MAPT: variants seen among roughly 807,000 people sequenced by gnomAD.
The protein encoded by MAPT is microtubule associated protein tau.
MAPT carries 34 observed loss-of-function variants against 67.9 expected under a neutral mutation model. That is an observed-to-expected ratio of 0.50 (90% confidence interval 0.38 to 0.67). The LOEUF is 0.67. Ranked by LOEUF, MAPT falls within the 30% of genes least tolerant of loss-of-function variation. The pLI is 0.00. For missense variants in MAPT, 881 were observed against 1,115.2 expected, an observed-to-expected ratio of 0.79 and a Z score of 2.99; for synonymous variants, 456 against 464.5, an observed-to-expected ratio of 0.98 and a Z score of 0.23.
intron 1 of MAPT, among the ~76,000 whole-genome samples, chr17:45,949,373 G>A (rs242562): frequency 0.36 from 54,260 of 152,120 alleles, 9,969 homozygotes; most frequent in East Asian, 0.55. Context: ...GCCCGACTCG[G>A]GCTTCCCCTG....
chr17:45,940,936 A>C (rs903159743), intron 1 of MAPT, among the ~76,000 whole-genome samples: 1 of 152,226 alleles, frequency 6.6e-6, no homozygotes, highest in African/African-American at 2.4e-5. Context: ...ATAGGAAGCC[A>C]TCTTGGTGCT....
chr17:45,956,585 TA>T (rs1568230913), intron 1 of MAPT, among the ~76,000 whole-genome samples: 209 of 7,772 alleles, frequency 0.027, 6 homozygotes, highest in African/African-American at 0.037. Context: ...TATATATATA[TA>T]TATATATATA....
chr17:45,973,263 G>T (rs1389192003), intron 3 of MAPT: 1 of 152,210 alleles, frequency 6.6e-6, no homozygotes, highest in African/African-American at 2.4e-5. Context: ...AGAATATCCA[G>T]ATCAGATTCT....
Position 46,010,616 on chromosome 17 carries a change from G to C in MAPT, c.2091+214G>C, listed in dbSNP as rs1364384144. ...CCCCTTCCTCATATTCTAGGAGGGG[G>C]TGTCCCAGCATTTCTGGGTCCCCCA... On this transcript the variant is annotated intron_variant, in intron 10 of 12. Transcript: ENST00000262410. This position sits in a 1 kb window ranked among gnomAD's most constrained non-coding sequence, Gnocchi z 4.7. Among the ~76,000 whole-genome samples, 1 of 152,182 alleles carries C rather than the reference G, an allele frequency of 6.6e-6. No individual in the cohort carries two copies. Among genetic ancestry groups the C allele is most frequent in the South Asian group, 2.1e-4 (1 of 4,818 alleles).
In MAPT at chr17:45,915,472, G is replaced by A. The variant is rs372439398; in HGVS notation, c.-18+20786G>A. Reference sequence around the variant, plus strand: ...TGTGAGTGTGTATGTTTGAGCATGTGTGGTGTGTTGTGATATGTGTGTGGT... The same window carrying A: ...TGTGAGTGTGTATGTTTGAGCATGTATGGTGTGTTGTGATATGTGTGTGGT... On this transcript the variant is annotated intron_variant, in intron 1 of 12. Transcript: ENST00000262410. This position sits in a 1 kb window ranked among gnomAD's most constrained non-coding sequence, Gnocchi z 4.4. Among the ~76,000 whole-genome samples, 1,157 of 146,674 alleles carry A rather than the reference G, an allele frequency of 7.9e-3. 6 individuals are homozygous for A. The highest frequency in any genetic ancestry group is 0.03 in the South Asian group (138 of 4,650).
intron 1 of MAPT, among the ~76,000 whole-genome samples, chr17:45,905,006 A>G (rs1290830939): frequency 1.3e-5 from 2 of 152,120 alleles, no homozygotes; most frequent in Non-Finnish European, 2.9e-5. Flanking sequence ...GCCATTTGGA[A>G]GAGTCATCAG....
intron 8 of MAPT, among the ~76,000 whole-genome samples, chr17:45,994,723 C>T (rs1342420947): frequency 2.0e-5 from 3 of 152,052 alleles, no homozygotes; most frequent in African/African-American, 4.8e-5. Context: ...TGGCTGGGTG[C>T]GGTGGCTCAT....
At chr17:45,903,755 A>T (rs1249756333) in intron 1 of MAPT, among the ~76,000 whole-genome samples, 13 of 79,604 alleles carry the variant, frequency 1.6e-4, no homozygotes, top group East Asian at 1.5e-3. Flanking sequence ...TTTTATATAT[A>T]TTTTTTTTAT....
intron 8 of MAPT, among the ~76,000 whole-genome samples, chr17:45,992,358 G>A (rs2074126781): frequency 6.6e-6 from 1 of 152,182 alleles, no homozygotes; most frequent in Non-Finnish European, 1.5e-5. Context: ...GGAGACAAAT[G>A]TCTCTGGAGA....
At chr17:45,994,109 G>A (rs1568299678) in intron 8 of MAPT, 6 of 790,314 alleles carry the variant, frequency 7.6e-6, no homozygotes, top group Non-Finnish European at 1.2e-5. Flanking sequence ...GCCTGAAGAT[G>A]GAGCAGTCCG....
At chr17:45,974,463 G>A in intron 3 of MAPT, 2 of 1,604,426 alleles carry the variant, frequency 1.2e-6, no homozygotes, top group African/African-American at 1.3e-5. Flanking sequence ...ATCCCAGAAG[G>A]AACCACAGGT....
intron 1 of MAPT, among the ~76,000 whole-genome samples, chr17:45,946,403 A>T (rs2068480461): frequency 6.6e-6 from 1 of 151,822 alleles, no homozygotes; most frequent in Non-Finnish European, 1.5e-5. Flanking sequence ...GGAGTTCGAG[A>T]TCAACCTGGC....
intron 11 of MAPT, among the ~76,000 whole-genome samples, chr17:46,015,843 C>G (rs1364463214): frequency 6.6e-6 from 1 of 152,100 alleles, no homozygotes; most frequent in African/African-American, 2.4e-5. Flanking sequence ...ATATATACAC[C>G]TAACTATGTA....
chr17:45,983,906 G>T lies in MAPT; in HGVS notation c.1327G>T (p.Val443Phe), dbSNP rs774040384. The T allele has an allele frequency of 2.0e-5, 32 of 1,577,992 alleles. No individual in the cohort carries two copies. The highest frequency in any genetic ancestry group is 2.7e-5 in the Non-Finnish European group (31 of 1,165,872). The change falls in exon 5 of 13, where the codon GTC (valine) becomes TTC (phenylalanine). Residue 443 changes from valine (V) to phenylalanine (F), a missense_variant. Transcript: ENST00000262410. ...TGCTGCTGCTCCGCGGGGGAAGCCC[G>T]TCAGCCGGGTCCCTCAACTCAAAGG... ...QPAAAPRGKP[V>F]SRVPQLKARM...
intron 1 of MAPT, among the ~76,000 whole-genome samples, chr17:45,959,695 C>A (rs918670134): frequency 1.3e-5 from 2 of 151,856 alleles, no homozygotes; most frequent in African/African-American, 4.8e-5. Flanking sequence ...GCAGGAGAAT[C>A]GCTTGAAGCA....
chr17:46,017,766 G>A (rs887660510), intron 11 of MAPT, among the ~76,000 whole-genome samples: 8 of 150,122 alleles, frequency 5.3e-5, no homozygotes, highest in Middle Eastern at 3.4e-3. Flanking sequence ...GCCTGAAAGG[G>A]TTCTTATTTA....
At position 45,995,356 on chromosome 17, in the gene MAPT, T is replaced by G. The variant is rs2074385837; in HGVS notation, c.1733-1043T>G. On this transcript the variant is annotated intron_variant, in intron 8 of 12. Coordinates refer to ENST00000262410, the MANE Select transcript of MAPT (RefSeq NM_001377265.1). The surrounding 1 kb of genome is among the most constrained non-coding windows in gnomAD (Gnocchi z 4.3). Reference sequence around the variant, plus strand: ...CTTGAGAAAAATGAGGCTTTGCAGGTCCCACCCCTAGAGATTCTGCTCTAT... The same window carrying G: ...CTTGAGAAAAATGAGGCTTTGCAGGGCCCACCCCTAGAGATTCTGCTCTAT... 6.6e-6 allele frequency among the ~76,000 whole-genome samples: 1 copy of G among 152,150 alleles called. No individual in the cohort carries two copies. The highest frequency in any genetic ancestry group is 1.5e-5 in the Non-Finnish European group (1 of 68,030).
chr17:45,954,748 A>T (rs2069438693), intron 1 of MAPT, among the ~76,000 whole-genome samples: 1 of 152,222 alleles, frequency 6.6e-6, no homozygotes, highest in Non-Finnish European at 1.5e-5. Context: ...TGGGAGGCTG[A>T]GGTGGGTGGA....
At chr17:45,900,848 G>A (rs1307580259) in intron 1 of MAPT, among the ~76,000 whole-genome samples, 2 of 152,158 alleles carry the variant, frequency 1.3e-5, no homozygotes, top group South Asian at 2.1e-4. Context: ...GATGGTACCT[G>A]TCTCACGGGT....
Sources: allele counts gnomAD v4.1 joint callset (sites outside exome capture counted in the v4.1 genomes callset), GRCh38; gene constraint gnomAD v4.1.1; non-coding constraint Gnocchi (gnomAD v3.1); transcripts MANE v1.5; gene names NCBI Gene and HGNC (gene_info 2026-07-23, HGNC 2026-07-21).